Variants in PPP2R2C observed in about 807,000 individuals in gnomAD.
PPP2R2C encodes protein phosphatase 2, regulatory subunit B, gamma.
In PPP2R2C, 10 loss-of-function variants were observed where a neutral mutation model predicts 45.3. The ratio of observed to expected loss-of-function variants is 0.22; its 90% confidence interval spans 0.14 to 0.37. PPP2R2C has a LOEUF of 0.37. Ranked by LOEUF, PPP2R2C falls within the 10% of genes least tolerant of loss-of-function variation. The probability of loss-of-function intolerance (pLI) is 1.00; values close to 1 mark genes in which losing one functional copy is unlikely to be tolerated. For missense variants in PPP2R2C, 308 were observed against 619.7 expected (o/e 0.50, Z 5.34); for synonymous variants, 257 against 245.4 (o/e 1.05, Z -0.44).
At chr4:6,408,505 C>T (rs1717950828) in intron 1 of PPP2R2C, among the ~76,000 whole-genome samples, 1 of 152,084 alleles carries the variant, frequency 6.6e-6, no homozygotes, top group South Asian at 2.1e-4. Context: ...GGAACCTGGG[C>T]CATCGTGAGC....
At chr4:6,403,820 G>A (rs7662145) in intron 1 of PPP2R2C, among the ~76,000 whole-genome samples, 36 of 150,966 alleles carry the variant, frequency 2.4e-4, no homozygotes, top group African/African-American at 6.4e-4. Context: ...CAGAGATTGC[G>A]CCGCTGCACT....
chr4:6,321,627 G>A lies in PPP2R2C; in HGVS notation c.*1675C>T, dbSNP rs573338661. 1.3e-5 allele frequency: 2 copies of A among 151,346 alleles called. No individual in the cohort carries two copies. Among genetic ancestry groups the A allele is most frequent in the South Asian group, 2.1e-4 (1 of 4,764 alleles). 9.4% of individuals were successfully genotyped at this position (151,346 alleles called of 1,614,324 possible). ...ATAACCTCAGCTGGGTCTGTTTCCTGGGTTATGTTATATCTTGTAAAAAAC... is the reference window on the plus strand; with the variant it reads ...ATAACCTCAGCTGGGTCTGTTTCCTAGGTTATGTTATATCTTGTAAAAAAC... On this transcript the variant is annotated 3_prime_UTR_variant, in exon 9 of 9. Transcript: ENST00000382599.
At chr4:6,445,212 A>AC (rs1315515085) in intron 1 of PPP2R2C, among the ~76,000 whole-genome samples, 1 of 152,006 alleles carries the variant, frequency 6.6e-6, no homozygotes, top group African/African-American at 2.4e-5. Flanking sequence ...TAAAAACAAA[A>AC]AAAAAAACCC....
intron 1 of PPP2R2C, chr4:6,535,401 A>C (rs1203568068): frequency 2.1e-6 from 3 of 1,454,738 alleles, no homozygotes; most frequent in Non-Finnish European, 2.8e-6. Context: ...AAAAAACTAA[A>C]GTTGAGGAAT....
At chr4:6,418,151 G>C (rs1251781172) in intron 1 of PPP2R2C, among the ~76,000 whole-genome samples, 1 of 152,194 alleles carries the variant, frequency 6.6e-6, no homozygotes, top group African/African-American at 2.4e-5. Flanking sequence ...ACGGTGCTGG[G>C]ACAGGAAGGA....
At chr4:6,538,588 C>T (rs914652089) in intron 1 of PPP2R2C, among the ~76,000 whole-genome samples, 8 of 152,096 alleles carry the variant, frequency 5.3e-5, no homozygotes, top group East Asian at 3.8e-4. Context: ...GCCAATAACA[C>T]GGCAAATGAA....
intron 8 of PPP2R2C, 104 bp from the exon 9 acceptor site, chr4:6,323,697 A>G: frequency 2.4e-6 from 3 of 1,230,812 alleles, no homozygotes; most frequent in Non-Finnish European, 3.2e-6. Context: ...GGACTTTGGG[A>G]GGCCCCGGTG....
In PPP2R2C at chr4:6,486,555, G is replaced by C. The variant is rs559560645; in HGVS notation, c.49+48716C>G. Among the ~76,000 whole-genome samples, 3 of 152,120 alleles carry C rather than the reference G, an allele frequency of 2.0e-5. No homozygotes were observed. The South Asian group carries it at 6.2e-4, about 32-fold the overall frequency. On this transcript the variant is annotated intron_variant, in intron 2 of 9. Transcript: ENST00000506140. ...TTTTGCTTCATGTCTCTGATTAGGT[G>C]CATAAGCATTAACTTTTAATTAATT... is the stretch of plus-strand genomic sequence containing the variant.
chr4:6,430,021 G>A (rs953803854), intron 1 of PPP2R2C, among the ~76,000 whole-genome samples: 1 of 152,164 alleles, frequency 6.6e-6, no homozygotes, highest in Non-Finnish European at 1.5e-5. Flanking sequence ...GAATGCTCCA[G>A]TTTTCTAATC....
chr4:6,411,614 G>A (rs1391080387), intron 1 of PPP2R2C, among the ~76,000 whole-genome samples: 13 of 148,060 alleles, frequency 8.8e-5, no homozygotes, highest in East Asian at 2.0e-4. Flanking sequence ...GTGCAGTGGC[G>A]CAATCTCAGC....
chr4:6,497,041 G>A (rs1722903220), intron 2 of PPP2R2C, among the ~76,000 whole-genome samples: 1 of 152,060 alleles, frequency 6.6e-6, no homozygotes, highest in Non-Finnish European at 1.5e-5. Context: ...CCTGAGGGAT[G>A]GAGAAGTTCC....
intron 2 of PPP2R2C, among the ~76,000 whole-genome samples, chr4:6,505,871 C>T (rs1723211713): frequency 2.0e-5 from 3 of 152,114 alleles, no homozygotes; most frequent in Admixed American, 2.0e-4. Flanking sequence ...GAGGCTGAGG[C>T]ATGAGAATTG....
At chr4:6,558,899 T>A (rs1725493862) in intron 1 of PPP2R2C, among the ~76,000 whole-genome samples, 1 of 152,116 alleles carries the variant, frequency 6.6e-6, no homozygotes, top group East Asian at 1.9e-4. Flanking sequence ...AGCGTCATCT[T>A]TTTTTCTGAC....
intron 2 of PPP2R2C, among the ~76,000 whole-genome samples, chr4:6,510,994 C>CAAAAAAAAAAA (rs200316130): frequency 3.0e-5 from 1 of 33,226 alleles, no homozygotes. Context: ...AAAAAACAAA[C>CAAAAAAAAAAA]AAACAAAAAA....
intron 5 of PPP2R2C, among the ~76,000 whole-genome samples, chr4:6,365,900 C>T (rs556209964): frequency 2.4e-4 from 36 of 152,252 alleles, no homozygotes; most frequent in African/African-American, 7.9e-4. Flanking sequence ...GAGGTCCATC[C>T]GCTGAGACCT....
At chr4:6,407,239 T>A (rs1317879666) in intron 1 of PPP2R2C, among the ~76,000 whole-genome samples, 1 of 152,222 alleles carries the variant, frequency 6.6e-6, no homozygotes, top group African/African-American at 2.4e-5. Context: ...CAGAGATGAA[T>A]GTTGATGGTG....
chr4:6,451,847 G>T (rs1221474329), intron 1 of PPP2R2C, among the ~76,000 whole-genome samples: 1 of 152,094 alleles, frequency 6.6e-6, no homozygotes, highest in Non-Finnish European at 1.5e-5. Flanking sequence ...AGAGAAAAGA[G>T]TTGGATCGGC....
chr4:6,549,211 C>T (rs1371034844), intron 1 of PPP2R2C, among the ~76,000 whole-genome samples: 1 of 152,182 alleles, frequency 6.6e-6, no homozygotes, highest in African/African-American at 2.4e-5. Context: ...ATGCCCCATA[C>T]AGCAGGCAGA....
upstream of PPP2R2C, among the ~76,000 whole-genome samples, chr4:6,473,691 A>T (rs976350280): frequency 6.6e-6 from 1 of 152,034 alleles, no homozygotes. Context: ...GTTCTGGGGG[A>T]ACTCCAGACA....
Sources: gnomAD v4.1 joint callset for allele counts (sites outside exome capture counted in the v4.1 genomes callset) on GRCh38, gnomAD v4.1.1 for gene constraint, MANE v1.5 for transcripts, NCBI Gene and HGNC (gene_info 2026-07-23, HGNC 2026-07-21) for gene names.